FAM210A: variants seen among roughly 807,000 people sequenced by gnomAD.
FAM210A encodes the protein family with sequence similarity 210 member A.
FAM210A carries 13 observed loss-of-function variants against 25.3 expected under a neutral mutation model. The observed-to-expected ratio is 0.51, with a 90% CI of 0.33 to 0.82. The LOEUF (loss-of-function observed/expected upper bound fraction) is 0.82. FAM210A is among the 40% of genes least tolerant of loss of function. The pLI is 0.02. For synonymous variants in FAM210A, 125 were observed against 118.7 expected (o/e 1.05, Z -0.35); for missense variants, 319 against 323.2 (o/e 0.99, Z 0.10).
chr18:13,692,210 T>C (rs1358176714), intron 1 of FAM210A, among the ~76,000 whole-genome samples: 1 of 152,008 alleles, frequency 6.6e-6, no homozygotes, highest in African/African-American at 2.4e-5. Flanking sequence ...CTCTCCTAAA[T>C]ATATATGCAC....
chr18:13,688,815 G>GC (rs2043619026), intron 1 of FAM210A, among the ~76,000 whole-genome samples: 1 of 152,258 alleles, frequency 6.6e-6, no homozygotes, highest in South Asian at 2.1e-4. Flanking sequence ...CTACCACATG[G>GC]CCTGCACGGA....
At chr18:13,698,619 A>G (rs999033726) in intron 1 of FAM210A, among the ~76,000 whole-genome samples, 2 of 152,120 alleles carry the variant, frequency 1.3e-5, no homozygotes, top group African/African-American at 4.8e-5. Flanking sequence ...GGTTCAGGCC[A>G]TGAGAAACAC....
intron 3 of FAM210A, among the ~76,000 whole-genome samples, chr18:13,668,454 G>A (rs1442780241): frequency 6.6e-6 from 1 of 152,140 alleles, no homozygotes; most frequent in Non-Finnish European, 1.5e-5. Flanking sequence ...CTGGTCTTTA[G>A]TGCCAACTAT....
chr18:13,714,726 G>A (rs1447225838), intron 1 of FAM210A, among the ~76,000 whole-genome samples: 1 of 152,160 alleles, frequency 6.6e-6, no homozygotes, highest in African/African-American at 2.4e-5. Context: ...TGTATTACAT[G>A]TAATTTTGCA....
At position 13,681,850 on chromosome 18, in the gene FAM210A, G is replaced by A; in HGVS notation, c.228C>T (p.Pro76=). 1.9e-6 allele frequency: 3 copies of A among 1,614,198 alleles called. No homozygotes were observed. Among genetic ancestry groups the A allele is most frequent in the Non-Finnish European group, 1.7e-6 (2 of 1,180,034 alleles). The change falls in exon 2 of 4, where the codon CCC becomes CCT. Residue 76 remains proline (P), a synonymous_variant. Coordinates refer to ENST00000651643, the MANE Select transcript of FAM210A (RefSeq NM_152352.4). ...GCTTATGGCGAAGGACTCCTGGTTGGGGTGGATGAGCATCCAATGGCCTCC... is the reference window on the plus strand; with the variant it reads ...GCTTATGGCGAAGGACTCCTGGTTGAGGTGGATGAGCATCCAATGGCCTCC... ...KERRPLDAHP[P]QPGVLRHKQG... is the part of the protein sequence containing the mutation.
rs1283503259 is a variant in FAM210A, at chr18:13,670,472, T to C, written c.585+1390A>G. 5.3e-5 allele frequency among the ~76,000 whole-genome samples: 8 copies of C among 152,338 alleles called. No individual in the cohort carries two copies. The East Asian group carries it at 1.2e-3, about 22-fold the overall frequency. The stretch of plus-strand genomic sequence containing the variant: ...TAATGAGGATGACAGAATGAAACAA[T>C]GCTACTTTTGAGTAATGCTGTAAAA... On this transcript the variant is annotated intron_variant, in intron 3 of 3. Transcript: ENST00000651643.
chr18:13,691,612 A>C (rs188200886), intron 1 of FAM210A, among the ~76,000 whole-genome samples: 12 of 152,008 alleles, frequency 7.9e-5, no homozygotes, highest in South Asian at 2.1e-4. Flanking sequence ...CAACATTCTT[A>C]AAAGAATTTT....
Position 13,664,220 on chromosome 18 carries a change from T to TA in FAM210A, c.*2259dup, listed in dbSNP as rs1186403091. 2 of 152,204 alleles carry TA rather than the reference T, an allele frequency of 1.3e-5. No individual in the cohort carries two copies. The highest frequency in any genetic ancestry group is 6.5e-5 in the Admixed American group (1 of 15,278). 9.4% of individuals were successfully genotyped at this position (152,204 alleles called of 1,614,324 possible). ...AGCAGTAACTCATTGTCTATTAGAC[T>TA]AACACAACATGATCATGAAACTGGA... On this transcript the variant is annotated 3_prime_UTR_variant, in exon 4 of 4. Coordinates refer to ENST00000651643, the MANE Select transcript of FAM210A (RefSeq NM_152352.4).
At chr18:13,702,936 T>C (rs2043752317) in intron 1 of FAM210A, among the ~76,000 whole-genome samples, 1 of 152,158 alleles carries the variant, frequency 6.6e-6, no homozygotes, top group Admixed American at 6.5e-5. Flanking sequence ...AATAGGAAAT[T>C]TAAAAGGACT....
Position 13,726,522 on chromosome 18 carries a change from T to A in FAM210A, c.-222A>T, listed in dbSNP as rs1476775212. ...CCGCCAGCCGCGCCCACTAGCAACG[T>A]GCTCGCGACCTCCAGTGCCCGCTCA... On this transcript the variant is annotated 5_prime_UTR_variant, in exon 1 of 4. Transcript: ENST00000651643. 6.6e-6 allele frequency: 1 copy of A among 152,300 alleles called. No homozygotes were observed. Among genetic ancestry groups the A allele is most frequent in the African/African-American group, 2.4e-5 (1 of 41,432 alleles). 9.4% of individuals were successfully genotyped at this position (152,300 alleles called of 1,614,324 possible). A position where few individuals can be genotyped will look rare whatever the true frequency, so the allele number is the denominator to read the frequency against.
rs1322557993 is a variant in FAM210A at position 13,681,997 on chromosome 18, T to C, written c.81A>G (p.Gly27=). The change falls in exon 2 of 4, where the codon GGA becomes GGG. Residue 27 remains glycine, a synonymous_variant. Coordinates refer to ENST00000651643, the MANE Select transcript of FAM210A (RefSeq NM_152352.4). ...CLEPHNAGLF[G]HCQNVKGPLL... ...AAGGTCCCTTTACATTTTGACAGTG[T>C]CCAAAGAGACCAGCATTATGTGGTT... 2 of 1,614,030 alleles carry C rather than the reference T, an allele frequency of 1.2e-6. No homozygotes were observed. The highest frequency in any genetic ancestry group is 1.7e-6 in the Non-Finnish European group (2 of 1,180,028).
chr18:13,689,625 C>T (rs1404170307), intron 1 of FAM210A, among the ~76,000 whole-genome samples: 14 of 152,046 alleles, frequency 9.2e-5, no homozygotes, highest in East Asian at 1.9e-4. Context: ...CTACTGCCAC[C>T]GTGATTCAAC....
intron 1 of FAM210A, among the ~76,000 whole-genome samples, chr18:13,701,228 C>T (rs1374696420): frequency 6.6e-6 from 1 of 152,166 alleles, no homozygotes; most frequent in African/African-American, 2.4e-5. Flanking sequence ...TAAGTTCTCT[C>T]AGATTTCGGA....
rs184710141 is a variant in FAM210A, at chr18:13,677,458, G to C, written c.473+4147C>G. ...CTGAGTAAGCAGGGGGTACGTGACT[G>C]GGGGCTGCATGCACCAGTAATCAGA... On this transcript the variant is annotated intron_variant, in intron 2 of 3. Coordinates refer to ENST00000651643, the MANE Select transcript of FAM210A (RefSeq NM_152352.4). 2.0e-5 allele frequency among the ~76,000 whole-genome samples: 3 copies of C among 152,324 alleles called. No individual in the cohort carries two copies. The East Asian group carries it at 5.8e-4, about 29-fold the overall frequency.
intron 1 of FAM210A, among the ~76,000 whole-genome samples, chr18:13,683,417 T>C (rs1031134503): frequency 1.3e-5 from 2 of 152,142 alleles, no homozygotes; most frequent in African/African-American, 2.4e-5. Context: ...ATTTACAAGA[T>C]GGCGAGACAC....
At chr18:13,693,771 A>C (rs2043669530) in intron 1 of FAM210A, among the ~76,000 whole-genome samples, 1 of 30,952 alleles carries the variant, frequency 3.2e-5, no homozygotes, top group South Asian at 6.3e-4. Context: ...ATTTATGACA[A>C]TATCTACTGA....
At chr18:13,672,487 C>A (rs1363476228) in intron 2 of FAM210A, among the ~76,000 whole-genome samples, 1 of 152,170 alleles carries the variant, frequency 6.6e-6, no homozygotes, top group Non-Finnish European at 1.5e-5. Flanking sequence ...TGGCTCACTG[C>A]AACCTCTGAC....
chr18:13,679,962 T>C (rs761843485), intron 2 of FAM210A, among the ~76,000 whole-genome samples: 66 of 152,334 alleles, frequency 4.3e-4, no homozygotes, highest in Middle Eastern at 3.4e-3. Context: ...ACAAAAATAT[T>C]ATTCTTAATA....
At chr18:13,720,060 T>G (rs1014367036) in intron 1 of FAM210A, among the ~76,000 whole-genome samples, 4 of 152,234 alleles carry the variant, frequency 2.6e-5, no homozygotes, top group African/African-American at 9.7e-5. Flanking sequence ...CTAGTCAGGT[T>G]GCATAACTTG....
Sources: allele counts gnomAD v4.1 joint callset (sites outside exome capture counted in the v4.1 genomes callset), GRCh38; gene constraint gnomAD v4.1.1; transcripts MANE v1.5; gene names NCBI Gene and HGNC (gene_info 2026-07-23, HGNC 2026-07-21).